Variants in NELL1 observed in about 807,000 individuals in gnomAD.
NELL1 encodes protein kinase C-binding protein NELL1.
NELL1 carries 76 observed loss-of-function variants against 107.4 expected under a neutral mutation model. That is an observed-to-expected ratio of 0.71 (90% confidence interval 0.59 to 0.86). NELL1 has a LOEUF of 0.86. Ranked by LOEUF, NELL1 falls within the 40% of genes least tolerant of loss-of-function variation. The pLI, the probability that NELL1 is intolerant of heterozygous loss-of-function variation, is 0.00. For synonymous variants in NELL1, 353 were observed against 341.2 expected, an observed-to-expected ratio of 1.03 and a Z score of -0.38; for missense variants, 1,024 against 1,005.5, an observed-to-expected ratio of 1.02 and a Z score of -0.25.
At chr11:21,305,936 TC>T (rs1849595794) in intron 14 of NELL1, among the ~76,000 whole-genome samples, 1 of 151,982 alleles carries the variant, frequency 6.6e-6, no homozygotes, top group African/African-American at 2.4e-5. Flanking sequence ...AGGATCGTTC[TC>T]CAGAGAGCCC....
chr11:20,958,867 T>A (rs1404905451), intron 11 of NELL1, among the ~76,000 whole-genome samples: 2 of 152,158 alleles, frequency 1.3e-5, no homozygotes, highest in Admixed American at 1.3e-4. Context: ...AGCTCAAATG[T>A]CCATCCATGG....
At chr11:21,445,565 C>T (rs1447841537) in intron 15 of NELL1, among the ~76,000 whole-genome samples, 8 of 152,166 alleles carry the variant, frequency 5.3e-5, no homozygotes, top group Non-Finnish European at 2.9e-5. Context: ...CTCCTGACCT[C>T]AGGTGATCCA....
At chr11:20,735,031 A>T (rs1482687634) in intron 2 of NELL1, among the ~76,000 whole-genome samples, 3 of 152,198 alleles carry the variant, frequency 2.0e-5, no homozygotes, top group Admixed American at 6.5e-5. Context: ...GAGGAGGCCT[A>T]GACTGATCCC....
At chr11:21,025,006 T>C (rs1030454981) in intron 12 of NELL1, among the ~76,000 whole-genome samples, 11 of 152,156 alleles carry the variant, frequency 7.2e-5, no homozygotes, top group Admixed American at 7.2e-4. Flanking sequence ...TCCCACTCCC[T>C]AAAGATATTG....
chr11:21,331,097 A>T (rs973858810), intron 14 of NELL1, among the ~76,000 whole-genome samples: 2 of 151,916 alleles, frequency 1.3e-5, no homozygotes, highest in South Asian at 2.1e-4. Context: ...ATTTGATGAG[A>T]TATTGCCCTC....
At chr11:20,938,938 CTCTG>C (rs1237425660) in intron 10 of NELL1, among the ~76,000 whole-genome samples, 20 of 43,804 alleles carry the variant, frequency 4.6e-4, no homozygotes, top group East Asian at 3.4e-3. Flanking sequence ...CTCTCTCTCT[CTCTG>C]TGTGTGTGTG....
intron 2 of NELL1, among the ~76,000 whole-genome samples, chr11:20,732,811 G>A (rs575068390): frequency 3.9e-5 from 6 of 152,136 alleles, no homozygotes; most frequent in Admixed American, 6.5e-5. Flanking sequence ...TATTGTCGGC[G>A]GGGAGGCATG....
Position 20,669,653 on chromosome 11 carries a change from C to T in NELL1, c.-71C>T. The stretch of plus-strand genomic sequence containing the variant: ...GTTTGGCGGCTCCAAGCCAGGCGCG[C>T]CTCAGGATCCAGGCTCATTTGCTTC... On this transcript the variant is annotated 5_prime_UTR_variant, in exon 1 of 20. Coordinates refer to ENST00000357134, the MANE Select transcript of NELL1 (RefSeq NM_006157.5). The surrounding 1 kb of genome is among the most constrained non-coding windows in gnomAD (Gnocchi z 4.4). 2 of 1,369,130 alleles carry T rather than the reference C, an allele frequency of 1.5e-6. No homozygotes were observed. Among genetic ancestry groups the T allele is most frequent in the Non-Finnish European group, 2.1e-6 (2 of 962,090 alleles). The allele number at this position is 1,369,130 out of a possible 1,614,324, so 84.8% of individuals were successfully genotyped here.
At chr11:21,440,724 G>A (rs575042367) in intron 15 of NELL1, among the ~76,000 whole-genome samples, 1 of 152,200 alleles carries the variant, frequency 6.6e-6, no homozygotes, top group Non-Finnish European at 1.5e-5. Flanking sequence ...TAAGAAGGAG[G>A]CAGTGACAAT....
Position 20,887,790 on chromosome 11 carries a change from A to G in NELL1, c.603+2250A>G, listed in dbSNP as rs575593562. 9.8e-5 allele frequency among the ~76,000 whole-genome samples: 15 copies of G among 152,290 alleles called. No individual in the cohort carries two copies. In the South Asian group the frequency reaches 3.1e-3, roughly 32 times the overall value. On this transcript the variant is annotated intron_variant, in intron 5 of 19. Coordinates refer to ENST00000357134, the MANE Select transcript of NELL1 (RefSeq NM_006157.5). Reference sequence around the variant, plus strand: ...AGGTACCTTGGGAGTCCTGATGAAGAAAATACAAATTATCTTTGGAGAAAG... The same window carrying G: ...AGGTACCTTGGGAGTCCTGATGAAGGAAATACAAATTATCTTTGGAGAAAG...
chr11:20,976,057 T>C (rs149547370), intron 12 of NELL1, among the ~76,000 whole-genome samples: 19,989 of 137,812 alleles, frequency 0.15, 2,198 homozygotes, highest in East Asian at 0.22. Context: ...TATATATACA[T>C]ATATCTGTAC....
chr11:21,069,282 A>T (rs1565043246), intron 12 of NELL1, among the ~76,000 whole-genome samples: 1 of 152,220 alleles, frequency 6.6e-6, no homozygotes, highest in Non-Finnish European at 1.5e-5. Context: ...TGAACTTAAC[A>T]TAAAAGTTAG....
intron 14 of NELL1, among the ~76,000 whole-genome samples, chr11:21,285,161 T>A (rs1428207472): frequency 6.6e-6 from 1 of 152,202 alleles, no homozygotes; most frequent in Non-Finnish European, 1.5e-5. Context: ...GCCATAAAAA[T>A]TTTTTGTTTA....
chr11:21,037,818 A>G (rs1454912060), intron 12 of NELL1, among the ~76,000 whole-genome samples: 1 of 152,082 alleles, frequency 6.6e-6, no homozygotes, highest in African/African-American at 2.4e-5. Flanking sequence ...GCTATATTTT[A>G]TCCAACATTA....
At chr11:20,871,035 T>A (rs1348119086) in intron 4 of NELL1, among the ~76,000 whole-genome samples, 2 of 152,212 alleles carry the variant, frequency 1.3e-5, no homozygotes, top group East Asian at 3.8e-4. Flanking sequence ...AGACAGCAGC[T>A]GAGAGAAAGA....
chr11:21,384,443 CATTT>C, intron 15 of NELL1, among the ~76,000 whole-genome samples: 1 of 149,960 alleles, frequency 6.7e-6, no homozygotes, highest in East Asian at 2.0e-4. Context: ...TTTTTTTTTA[CATTT>C]ATTTATTTAT....
chr11:21,407,043 A>G (rs1852253645), intron 15 of NELL1, among the ~76,000 whole-genome samples: 1 of 152,030 alleles, frequency 6.6e-6, no homozygotes, highest in Non-Finnish European at 1.5e-5. Flanking sequence ...TATGAGTGAG[A>G]ATTTGAGTGA....
Position 20,791,492 on chromosome 11 carries a change from A to G in NELL1, c.335+7662A>G, listed in dbSNP as rs376098618. The stretch of plus-strand genomic sequence containing the variant: ...CTAGTGAATTCCTTAGAATTTTTCC[A>G]TATAAGATTATGTCATCTCCAAATG... On this transcript the variant is annotated intron_variant, in intron 3 of 19. Transcript: ENST00000357134. 2.0e-5 allele frequency among the ~76,000 whole-genome samples: 3 copies of G among 152,178 alleles called. No homozygotes were observed. In the East Asian group the frequency reaches 5.8e-4, roughly 29 times the overall value.
intron 14 of NELL1, among the ~76,000 whole-genome samples, chr11:21,287,778 C>G (rs56735477): frequency 0.027 from 4,125 of 152,006 alleles, 73 homozygotes; most frequent in East Asian, 0.069. Context: ...GGGTAACTCT[C>G]AGTGTCCCCT....
Sources: allele counts gnomAD v4.1 joint callset (sites outside exome capture counted in the v4.1 genomes callset), GRCh38; gene constraint gnomAD v4.1.1; non-coding constraint Gnocchi (gnomAD v3.1); transcripts MANE v1.5; gene names NCBI Gene and HGNC (gene_info 2026-07-23, HGNC 2026-07-21).